INPP5A: variants seen among roughly 807,000 people sequenced by gnomAD.
INPP5A encodes the protein 43 kDa inositol polyphosphate 5-phophatase.
In INPP5A, 14 loss-of-function variants were observed where a neutral mutation model predicts 65.2. The observed-to-expected ratio is 0.21, with a 90% confidence interval of 0.14 to 0.34. INPP5A has a LOEUF of 0.34. Ranked by LOEUF, INPP5A falls within the 10% of genes least tolerant of loss-of-function variation. INPP5A has a pLI of 1.00. For missense variants in INPP5A, 431 were observed against 545.6 expected (o/e 0.79, Z 2.09); for synonymous variants, 207 against 208.3 (o/e 0.99, Z 0.05).
chr10:132,600,054 A>T (rs2071756378), intron 1 of INPP5A, among the ~76,000 whole-genome samples: 1 of 152,164 alleles, frequency 6.6e-6, no homozygotes, highest in South Asian at 2.1e-4. Flanking sequence ...TGGCCTGGAG[A>T]CATTTTCCAC....
chr10:132,578,277 A>T (rs2071433950), intron 1 of INPP5A, among the ~76,000 whole-genome samples: 1 of 152,074 alleles, frequency 6.6e-6, no homozygotes, highest in Non-Finnish European at 1.5e-5. Context: ...CAGGCGCTCC[A>T]CCTCTGCCCC....
chr10:132,693,390 T>TA (rs958818976), intron 5 of INPP5A, among the ~76,000 whole-genome samples: 1 of 152,020 alleles, frequency 6.6e-6, no homozygotes, highest in Admixed American at 6.5e-5. Flanking sequence ...CAGAGTGGAT[T>TA]AAAAAAAATA....
chr10:132,627,669 C>T lies in INPP5A; in HGVS notation c.118-18199C>T, dbSNP rs878885787. Among the ~76,000 whole-genome samples the T allele has an allele frequency of 3.3e-5, 5 of 151,980 alleles. No individual in the cohort carries two copies. The highest frequency in any genetic ancestry group is 7.4e-5 in the Non-Finnish European group (5 of 67,994). On this transcript the variant is annotated intron_variant, in intron 2 of 15. Coordinates refer to ENST00000368594, the MANE Select transcript of INPP5A (RefSeq NM_005539.5). This position sits in a 1 kb window ranked among gnomAD's most constrained non-coding sequence, Gnocchi z 6.6. ...TGAAAGCAGCGAGCACAGTGTGGTC[C>T]GGGGCTGGGGGTGTGAGATGGCTGG... is the stretch of plus-strand genomic sequence containing the variant.
At chr10:132,572,171 C>T (rs919813443) in intron 1 of INPP5A, among the ~76,000 whole-genome samples, 2 of 152,254 alleles carry the variant, frequency 1.3e-5, no homozygotes, top group African/African-American at 4.8e-5. Flanking sequence ...AGGGTATTGG[C>T]CCAGGTGTGC....
chr10:132,642,372 G>A (rs927533116), intron 2 of INPP5A, among the ~76,000 whole-genome samples: 25 of 152,180 alleles, frequency 1.6e-4, no homozygotes, highest in African/African-American at 5.8e-4. Context: ...CCATCCTCTC[G>A]CATCAGGGCT....
At chr10:132,595,837 A>G (rs1458141431) in intron 1 of INPP5A, among the ~76,000 whole-genome samples, 2 of 151,790 alleles carry the variant, frequency 1.3e-5, no homozygotes, top group Non-Finnish European at 2.9e-5. Context: ...GCTCTTTAGA[A>G]TTACTTTTTT....
At chr10:132,610,379 G>A (rs2071927946) in intron 2 of INPP5A, among the ~76,000 whole-genome samples, 1 of 152,102 alleles carries the variant, frequency 6.6e-6, no homozygotes, top group East Asian at 1.9e-4. Context: ...GTGGGGGGCG[G>A]TTCGTGAACA....
At chr10:132,745,629 GGGCCTCGGGCGTGGT>G (rs1846356386) in intron 9 of INPP5A, among the ~76,000 whole-genome samples, 1 of 127,136 alleles carries the variant, frequency 7.9e-6, no homozygotes, top group South Asian at 2.6e-4. Flanking sequence ...TGGGTGTGGT[GGGCCTCGGGCGTGGT>G]GGCCTCGGGT....
At chr10:132,686,231 G>A (rs936789630) in intron 4 of INPP5A, among the ~76,000 whole-genome samples, 17 of 152,234 alleles carry the variant, frequency 1.1e-4, no homozygotes, top group African/African-American at 3.6e-4. Flanking sequence ...GCCGCTTCCC[G>A]GCTGTGCCGT....
chr10:132,693,164 T>A (rs1363764821), intron 5 of INPP5A, among the ~76,000 whole-genome samples: 1 of 152,090 alleles, frequency 6.6e-6, no homozygotes, highest in Non-Finnish European at 1.5e-5. Context: ...TTAAAAGAAG[T>A]ATAATTGATG....
rs1002783443 is a variant in INPP5A at position 132,587,562 on chromosome 10, T to C, written c.76-20353T>C. 1.4e-4 allele frequency among the ~76,000 whole-genome samples: 22 copies of C among 152,330 alleles called. No homozygotes were observed. In the East Asian group the frequency reaches 3.3e-3, roughly 23 times the overall value. ...GGAGCAGGCGAAATTTCTGGGCCAA[T>C]GTTTAAACCTGCCTGAACTCCAGCC... On this transcript the variant is annotated intron_variant, in intron 1 of 15. Transcript: ENST00000368594. The surrounding 1 kb of genome is among the most constrained non-coding windows in gnomAD (Gnocchi z 4.3).
At chr10:132,580,315 G>T (rs2133298722) in intron 1 of INPP5A, among the ~76,000 whole-genome samples, 1 of 152,284 alleles carries the variant, frequency 6.6e-6, no homozygotes, top group East Asian at 1.9e-4. Flanking sequence ...GTGAGTTCTT[G>T]TGAGATCTGG....
chr10:132,619,314 A>C (rs1474244424), intron 2 of INPP5A, among the ~76,000 whole-genome samples: 2 of 152,354 alleles, frequency 1.3e-5, no homozygotes, highest in East Asian at 3.9e-4. Context: ...ATTAAATCTT[A>C]AAGCTCCAAA....
In INPP5A at chr10:132,760,107, G is replaced by A. The variant is rs140299185; in HGVS notation, c.904-5666G>A. On this transcript the variant is annotated intron_variant, in intron 11 of 15. Transcript: ENST00000368594. ...CTCTGAAGCTAAACGAATTCATGTCGGCCAAGAGCTCCAGCTACTCGTTCC... is the reference window on the plus strand; with the variant it reads ...CTCTGAAGCTAAACGAATTCATGTCAGCCAAGAGCTCCAGCTACTCGTTCC... Among the ~76,000 whole-genome samples the A allele has an allele frequency of 5.5e-3, 839 of 152,314 alleles. 9 individuals are homozygous for A. Among genetic ancestry groups the A allele is most frequent in the Middle Eastern group, 0.01 (3 of 294 alleles).
At position 132,607,974 on chromosome 10, in the gene INPP5A, G is replaced by A. The variant is rs770960249; in HGVS notation, c.117+18G>A. 14 of 1,608,932 alleles carry A rather than the reference G, an allele frequency of 8.7e-6. No homozygotes were observed. Among genetic ancestry groups the A allele is most frequent in the African/African-American group, 8.0e-5 (6 of 74,886 alleles). On this transcript the variant is annotated intron_variant, in intron 2 of 15. Transcript: ENST00000368594. The stretch of plus-strand genomic sequence containing the variant: ...TTTACCAGGTAAGAACCACTGAAAC[G>A]TGTTCTTTTGGATTCATTACTTAGC...
chr10:132,596,935 G>GCATGTGTGCGTGTGCGCA (rs1554932707), intron 1 of INPP5A, among the ~76,000 whole-genome samples: 44 of 26,106 alleles, frequency 1.7e-3, no homozygotes, highest in African/African-American at 4.1e-3. Context: ...GCATGTGCAC[G>GCATGTGTGCGTGTGCGCA]CATGTGTGCG....
intron 8 of INPP5A, among the ~76,000 whole-genome samples, chr10:132,712,913 TG>T (rs1198942646): frequency 7.1e-6 from 1 of 140,020 alleles, no homozygotes; most frequent in East Asian, 2.0e-4. Context: ...GGTGTGTGCA[TG>T]TGTGTGGGTG....
chr10:132,676,509 T>C lies in INPP5A; in HGVS notation c.307-13883T>C, dbSNP rs1266780334. Among the ~76,000 whole-genome samples, 2 of 152,140 alleles carry C rather than the reference T, an allele frequency of 1.3e-5. No individual in the cohort carries two copies. Among genetic ancestry groups the C allele is most frequent in the Non-Finnish European group, 2.9e-5 (2 of 68,028 alleles). ...ATATATTACATCAGACAAAAGTCAATAGAGATTTCCCTTTTGAAAAGCAAG... is the reference window on the plus strand; with the variant it reads ...ATATATTACATCAGACAAAAGTCAACAGAGATTTCCCTTTTGAAAAGCAAG... On this transcript the variant is annotated intron_variant, in intron 4 of 15. Transcript: ENST00000368594. The surrounding 1 kb of genome is among the most constrained non-coding windows in gnomAD (Gnocchi z 4.0).
intron 12 of INPP5A, among the ~76,000 whole-genome samples, chr10:132,766,688 G>A (rs944613133): frequency 6.6e-6 from 1 of 152,242 alleles, no homozygotes; most frequent in Admixed American, 6.5e-5. Context: ...GTGCACATGT[G>A]TGTGTGTTCA....
Sources: gnomAD v4.1 joint callset for allele counts (sites outside exome capture counted in the v4.1 genomes callset) on GRCh38, gnomAD v4.1.1 for gene constraint, Gnocchi (gnomAD v3.1) non-coding constraint, MANE v1.5 for transcripts, NCBI Gene and HGNC (gene_info 2026-07-23, HGNC 2026-07-21) for gene names.